The following DOCK4 variants were observed in gnomAD, a reference collection of about 807,000 sequenced individuals.
The protein encoded by DOCK4 is dedicator of cytokinesis protein 4.
DOCK4 carries 97 observed loss-of-function variants against 268.1 expected under a neutral mutation model. The ratio of observed to expected loss-of-function variants is 0.36; its 90% confidence interval spans 0.31 to 0.43. The LOEUF (loss-of-function observed/expected upper bound fraction) is 0.43. DOCK4 is among the 20% of genes least tolerant of loss of function. The pLI, the probability that DOCK4 is intolerant of heterozygous loss-of-function variation, is 1.00. For missense variants in DOCK4, 2,145 were observed against 2,455.7 expected (o/e 0.87, Z 2.67); for synonymous variants, 954 against 887.2 (o/e 1.08, Z -1.34).
intron 42 of DOCK4, among the ~76,000 whole-genome samples, chr7:111,750,402 TAAAC>T (rs1385551004): frequency 2.6e-5 from 4 of 152,160 alleles, no homozygotes; most frequent in Admixed American, 1.3e-4. Context: ...AGTAAATAAA[TAAAC>T]CAGAATCCAT....
intron 1 of DOCK4, among the ~76,000 whole-genome samples, chr7:112,201,512 G>A (rs981461873): frequency 5.3e-5 from 8 of 152,180 alleles, no homozygotes; most frequent in African/African-American, 1.9e-4. Flanking sequence ...TAGGTTTGAG[G>A]GGTGCAGCCT....
Position 111,917,566 on chromosome 7 carries a change from C to T in DOCK4, c.1067-1662G>A, listed in dbSNP as rs573067322. 5.9e-5 allele frequency among the ~76,000 whole-genome samples: 9 copies of T among 151,828 alleles called. No homozygotes were observed. In the East Asian group the frequency reaches 7.9e-4, roughly 13 times the overall value. Reference sequence around the variant, plus strand: ...ACCTCTACCAAAAAAATTAGCCCAGCGTGGTGGCAGGTGCCTGTAGTCCCA... The same window carrying T: ...ACCTCTACCAAAAAAATTAGCCCAGTGTGGTGGCAGGTGCCTGTAGTCCCA... On this transcript the variant is annotated intron_variant, in intron 12 of 52. Transcript: ENST00000428084.
intron 1 of DOCK4, among the ~76,000 whole-genome samples, chr7:112,193,938 G>T (rs1327576787): frequency 2.6e-5 from 4 of 151,876 alleles, no homozygotes; most frequent in African/African-American, 9.7e-5. Context: ...CCTTTCTCAT[G>T]CTACCTATGA....
chr7:111,739,301 G>A, intron 48 of DOCK4, 58 bp from the exon 49 acceptor site: 1 of 1,595,456 alleles, frequency 6.3e-7, no homozygotes, highest in Non-Finnish European at 8.6e-7. Context: ...CACCTGTTTG[G>A]AGGCGAGAGC....
chr7:111,843,909 A>T (rs1240846953), intron 25 of DOCK4, among the ~76,000 whole-genome samples: 3 of 152,182 alleles, frequency 2.0e-5, no homozygotes, highest in African/African-American at 2.4e-5. Context: ...AAGATATAAA[A>T]CATGTTTGTT....
intron 25 of DOCK4, 94 bp from the exon 26 acceptor site, chr7:111,834,780 G>A (rs1803108277): frequency 1.3e-6 from 1 of 793,090 alleles, no homozygotes; most frequent in Non-Finnish European, 1.9e-6. Flanking sequence ...AAAGAGAATA[G>A]GTTAAAATGA....
chr7:112,065,614 G>C (rs1806853106), intron 1 of DOCK4, among the ~76,000 whole-genome samples: 1 of 149,604 alleles, frequency 6.7e-6, no homozygotes. Context: ...ATTATTCTCA[G>C]GTTCCAGCCG....
chr7:112,090,188 T>C (rs776265722), intron 1 of DOCK4, among the ~76,000 whole-genome samples: 1 of 152,108 alleles, frequency 6.6e-6, no homozygotes, highest in Non-Finnish European at 1.5e-5. Flanking sequence ...ATATGTGCTA[T>C]AAAGGAAAAT....
At chr7:111,788,878 G>A (rs949153540) in intron 31 of DOCK4, 131 bp from the exon 32 acceptor site, 13 of 770,014 alleles carry the variant, frequency 1.7e-5, no homozygotes, top group South Asian at 7.6e-5. Flanking sequence ...TATCAGCTAC[G>A]GTTAATAGCA....
At chr7:112,110,955 C>A (rs1426375106) in intron 1 of DOCK4, among the ~76,000 whole-genome samples, 1 of 152,184 alleles carries the variant, frequency 6.6e-6, no homozygotes, top group Non-Finnish European at 1.5e-5. Context: ...CAAAAAGAAT[C>A]CCTGCCCATG....
chr7:111,963,355 G>C (rs1378539923), intron 8 of DOCK4, among the ~76,000 whole-genome samples: 6 of 134,768 alleles, frequency 4.5e-5, no homozygotes, highest in Non-Finnish European at 9.2e-5. Flanking sequence ...TGTGCGCACC[G>C]TGCGCGAGCC....
At chr7:111,905,530 T>A (rs2087490770) in intron 13 of DOCK4, among the ~76,000 whole-genome samples, 1 of 152,200 alleles carries the variant, frequency 6.6e-6, no homozygotes, top group Non-Finnish European at 1.5e-5. Context: ...TTGACCTAGA[T>A]GGGTAAGAGT....
chr7:111,920,971 A>T (rs1365208606), intron 12 of DOCK4, among the ~76,000 whole-genome samples: 2 of 152,062 alleles, frequency 1.3e-5, no homozygotes, highest in African/African-American at 2.4e-5. Flanking sequence ...CATAAAATTA[A>T]AATTTCATAA....
At chr7:112,197,981 A>AAC (rs1820609902) in intron 1 of DOCK4, among the ~76,000 whole-genome samples, 1 of 151,518 alleles carries the variant, frequency 6.6e-6, no homozygotes, top group Non-Finnish European at 1.5e-5. Context: ...AAAAAAAAAA[A>AAC]AAAAAAAAAA....
intron 26 of DOCK4, among the ~76,000 whole-genome samples, chr7:111,822,790 T>C (rs1028969118): frequency 6.6e-6 from 1 of 152,238 alleles, no homozygotes; most frequent in Non-Finnish European, 1.5e-5. Flanking sequence ...TCTTCTATTA[T>C]AGCATCTTAA....
At chr7:111,907,201 T>G (rs1322541856) in intron 13 of DOCK4, among the ~76,000 whole-genome samples, 1 of 152,190 alleles carries the variant, frequency 6.6e-6, no homozygotes, top group Non-Finnish European at 1.5e-5. Context: ...TTTTCTCTAT[T>G]TTCTATCTAT....
At chr7:111,797,441 T>G (rs538457918) in intron 30 of DOCK4, among the ~76,000 whole-genome samples, 1 of 152,296 alleles carries the variant, frequency 6.6e-6, no homozygotes, top group African/African-American at 2.4e-5. Context: ...GTATTTCACC[T>G]CACATGGAAG....
chr7:111,926,321 T>C (rs1427237685), intron 12 of DOCK4, among the ~76,000 whole-genome samples: 5 of 144,992 alleles, frequency 3.4e-5, no homozygotes, highest in Admixed American at 2.1e-4. Context: ...GTTCCAGCTA[T>C]TCAGGAGGCT....
intron 12 of DOCK4, among the ~76,000 whole-genome samples, 197 bp from the exon 13 acceptor site, chr7:111,916,101 A>T (rs1004063069): frequency 6.6e-6 from 1 of 152,184 alleles, no homozygotes; most frequent in Non-Finnish European, 1.5e-5. Context: ...TTTCCCATTC[A>T]TAAGGAGGTT....
Sources: allele counts gnomAD v4.1 joint callset (sites outside exome capture counted in the v4.1 genomes callset), GRCh38; gene constraint gnomAD v4.1.1; transcripts MANE v1.5; gene names NCBI Gene and HGNC (gene_info 2026-07-23, HGNC 2026-07-21).